LSAMP: variants seen among roughly 807,000 people sequenced by gnomAD.
LSAMP encodes limbic system associated membrane protein.
In LSAMP, 7 loss-of-function variants were observed where a neutral mutation model predicts 38.6. That is an observed-to-expected ratio of 0.18 (90% CI 0.10 to 0.34). LSAMP has a LOEUF of 0.34. Among genes scored for constraint, LSAMP ranks in the 10% least tolerant of loss-of-function variants. The pLI is 1.00. For synonymous variants in LSAMP, 154 were observed against 166.8 expected (o/e 0.92, Z 0.59); for missense variants, 313 against 420.0 (o/e 0.75, Z 2.23).
chr3:115,870,410 TTTCAA>T (rs1936000008), intron 3 of LSAMP, among the ~76,000 whole-genome samples: 1 of 152,136 alleles, frequency 6.6e-6, no homozygotes, highest in African/African-American at 2.4e-5. Flanking sequence ...AATAAATTAT[TTTCAA>T]ATAATTACAA....
At chr3:116,315,281 T>C (rs2047613616) in intron 1 of LSAMP, among the ~76,000 whole-genome samples, 1 of 152,180 alleles carries the variant, frequency 6.6e-6, no homozygotes, top group East Asian at 1.9e-4. Context: ...AAAAATTTCC[T>C]CAGATGCAAT....
Position 116,198,836 on chromosome 3 carries a change from G to A in LSAMP, c.156-112280C>T, listed in dbSNP as rs536783193. ...CTCATGCCTGTAATCCCAGCACTTTGGGAGCCTGAGGCAGGAGGGTCACTT... is the reference window on the plus strand; with the variant it reads ...CTCATGCCTGTAATCCCAGCACTTTAGGAGCCTGAGGCAGGAGGGTCACTT... On this transcript the variant is annotated intron_variant, in intron 1 of 6. Transcript: ENST00000490035. 3.3e-5 allele frequency among the ~76,000 whole-genome samples: 5 copies of A among 151,142 alleles called. No individual in the cohort carries two copies. In the South Asian group the frequency reaches 1.0e-3, roughly 32 times the overall value.
chr3:116,254,754 A>G (rs1223923724), intron 1 of LSAMP, among the ~76,000 whole-genome samples: 1 of 152,162 alleles, frequency 6.6e-6, no homozygotes, highest in East Asian at 1.9e-4. Flanking sequence ...AAGATGCACC[A>G]ATGGTTGACA....
intron 1 of LSAMP, among the ~76,000 whole-genome samples, chr3:116,183,074 G>T (rs1435304567): frequency 1.3e-5 from 2 of 151,650 alleles, no homozygotes; most frequent in Non-Finnish European, 3.0e-5. Context: ...TTTGACTTTA[G>T]GCATATGCAG....
intron 1 of LSAMP, among the ~76,000 whole-genome samples, chr3:116,306,462 T>C (rs1397392418): frequency 6.6e-6 from 1 of 152,046 alleles, no homozygotes; most frequent in African/African-American, 2.4e-5. Context: ...ATTTTGATCA[T>C]ATAGATGGCT....
chr3:115,994,640 G>A (rs1286437354), intron 3 of LSAMP, among the ~76,000 whole-genome samples: 2 of 151,916 alleles, frequency 1.3e-5, no homozygotes, highest in East Asian at 3.9e-4. Flanking sequence ...GGAATGTCTT[G>A]GGATTTCAAT....
At chr3:116,040,600 A>G (rs1941146459) in intron 2 of LSAMP, among the ~76,000 whole-genome samples, 1 of 152,256 alleles carries the variant, frequency 6.6e-6, no homozygotes, top group Non-Finnish European at 1.5e-5. Flanking sequence ...AAAGAAGTGA[A>G]CATAATCTCA....
chr3:116,309,471 A>G (rs2047527963), intron 1 of LSAMP, among the ~76,000 whole-genome samples: 1 of 152,154 alleles, frequency 6.6e-6, no homozygotes, highest in African/African-American at 2.4e-5. Context: ...AGTTTAATTT[A>G]AATCAATTTA....
At chr3:116,194,495 C>T (rs568164958) in intron 1 of LSAMP, among the ~76,000 whole-genome samples, 1 of 152,210 alleles carries the variant, frequency 6.6e-6, no homozygotes, top group Non-Finnish European at 1.5e-5. Context: ...CCCGGGTTCA[C>T]GCCATTCTCC....
intron 1 of LSAMP, among the ~76,000 whole-genome samples, chr3:116,120,715 AC>A (rs1708855188): frequency 1.3e-5 from 2 of 152,118 alleles, no homozygotes; most frequent in Non-Finnish European, 2.9e-5. Flanking sequence ...TGAAAACATA[AC>A]CAAGGCTATT....
intron 3 of LSAMP, among the ~76,000 whole-genome samples, chr3:115,987,421 A>T (rs1003526918): frequency 6.6e-6 from 1 of 152,170 alleles, no homozygotes; most frequent in Non-Finnish European, 1.5e-5. Flanking sequence ...CAGGACTGCA[A>T]TGTAAAGGAG....
At chr3:115,853,692 G>A (rs1271677870) in intron 3 of LSAMP, among the ~76,000 whole-genome samples, 1 of 152,128 alleles carries the variant, frequency 6.6e-6, no homozygotes, top group African/African-American at 2.4e-5. Context: ...AGCAGGAAGA[G>A]CCTAGCCAGA....
chr3:115,828,492 A>G (rs1239579432), intron 6 of LSAMP, among the ~76,000 whole-genome samples: 1 of 152,164 alleles, frequency 6.6e-6, no homozygotes, highest in Non-Finnish European at 1.5e-5. Context: ...GTCGACTGCT[A>G]TGCCCATGTT....
intron 1 of LSAMP, among the ~76,000 whole-genome samples, chr3:116,247,619 T>C (rs1352314592): frequency 1.3e-5 from 2 of 152,164 alleles, no homozygotes; most frequent in African/African-American, 2.4e-5. Flanking sequence ...TTTGGGACTA[T>C]GGTAAATTTA....
chr3:116,442,748 T>G (rs1023343477), intron 1 of LSAMP, among the ~76,000 whole-genome samples: 16 of 152,218 alleles, frequency 1.1e-4, no homozygotes, highest in Admixed American at 1.0e-3. Flanking sequence ...TGTCTTTTCT[T>G]TCCCAGAGAA....
intron 2 of LSAMP, among the ~76,000 whole-genome samples, chr3:116,024,170 A>G (rs962788390): frequency 3.9e-5 from 6 of 152,142 alleles, no homozygotes; most frequent in African/African-American, 1.4e-4. Flanking sequence ...GCACTGAATC[A>G]TGACAGCTGG....
intron 1 of LSAMP, among the ~76,000 whole-genome samples, chr3:116,140,963 G>A (rs1709356309): frequency 6.6e-6 from 1 of 151,798 alleles, no homozygotes; most frequent in Non-Finnish European, 1.5e-5. Flanking sequence ...GACTAAAAGG[G>A]ACTTATAATG....
chr3:115,901,568 C>T (rs1290699514), intron 3 of LSAMP, among the ~76,000 whole-genome samples: 1 of 152,160 alleles, frequency 6.6e-6, no homozygotes, highest in Non-Finnish European at 1.5e-5. Flanking sequence ...CAGCGTATCT[C>T]CCTGTATTTC....
At chr3:116,063,735 T>C (rs1054630236) in intron 2 of LSAMP, among the ~76,000 whole-genome samples, 1 of 152,134 alleles carries the variant, frequency 6.6e-6, no homozygotes, top group African/African-American at 2.4e-5. Context: ...AAATAAAACA[T>C]TTTAAAATAA....
Sources: gnomAD v4.1 joint callset for allele counts (sites outside exome capture counted in the v4.1 genomes callset) on GRCh38, gnomAD v4.1.1 for gene constraint, MANE v1.5 for transcripts, NCBI Gene and HGNC (gene_info 2026-07-23, HGNC 2026-07-21) for gene names.